ARHGAP5: variants seen among roughly 807,000 people sequenced by gnomAD.
The protein encoded by ARHGAP5 is Rho GTPase activating protein 5.
A neutral mutation model predicts 116.6 loss-of-function variants in ARHGAP5; 23 were observed. That is an observed-to-expected ratio of 0.20 (90% CI 0.14 to 0.28). The LOEUF (loss-of-function observed/expected upper bound fraction) is 0.28. Among genes scored for constraint, ARHGAP5 ranks in the 10% least tolerant of loss-of-function variants. ARHGAP5 has a pLI of 1.00. For synonymous variants in ARHGAP5, 574 were observed against 602.0 expected (o/e 0.95, Z 0.68); for missense variants, 1,405 against 1,774.8 (o/e 0.79, Z 3.74).
At chr14:32,120,656 T>G (rs1489928008) in intron 3 of ARHGAP5, among the ~76,000 whole-genome samples, 1 of 151,928 alleles carries the variant, frequency 6.6e-6, no homozygotes, top group African/African-American at 2.4e-5. Flanking sequence ...TTCTAAATAT[T>G]TGGTGGTTTT....
At position 32,155,004 on chromosome 14, in the gene ARHGAP5, A is replaced by G. The variant is rs569135931; in HGVS notation, c.*56A>G. The G allele has an allele frequency of 5.4e-6, 8 of 1,476,442 alleles. No individual in the cohort carries two copies. Among genetic ancestry groups the G allele is most frequent in the South Asian group, 2.4e-5 (2 of 82,500 alleles). 91.5% of individuals were successfully genotyped at this position (1,476,442 alleles called of 1,614,324 possible). On this transcript the variant is annotated 3_prime_UTR_variant, in exon 7 of 7. Coordinates refer to ENST00000345122, the MANE Select transcript of ARHGAP5 (RefSeq NM_001030055.2). Reference sequence around the variant, plus strand: ...GGACAAAAAGCAAATCTAGACATGCATGTTTCAGGGTTCAGTAGTATACTT... The same window carrying G: ...GGACAAAAAGCAAATCTAGACATGCGTGTTTCAGGGTTCAGTAGTATACTT...
Position 32,092,275 on chromosome 14 carries a change from C to T in ARHGAP5, c.1606C>T (p.Pro536Ser), listed in dbSNP as rs1177924059. The T allele has an allele frequency of 1.9e-6, 3 of 1,613,632 alleles. No individual in the cohort carries two copies. In the Admixed American group the frequency reaches 5.0e-5, roughly 27 times the overall value. ...ATATAAAGCTTTACAGAAACTTGCA[C>T]CTGATAGGGAATCCCTTCTACTTAA... ...PRYKALQKLA[P>S]DRESLLLKHI... The change falls in exon 2 of 7, where the codon CCT becomes TCT. Residue 536 changes from proline to serine, a missense_variant. By Grantham distance (74) the Pro-to-Ser change is moderately conservative. Coordinates refer to ENST00000345122, the MANE Select transcript of ARHGAP5 (RefSeq NM_001030055.2). This position sits in a 1 kb window ranked among gnomAD's most constrained non-coding sequence, Gnocchi z 4.1.
intron 3 of ARHGAP5, among the ~76,000 whole-genome samples, chr14:32,143,651 G>A (rs1315788340): frequency 6.6e-6 from 1 of 152,136 alleles, no homozygotes; most frequent in Non-Finnish European, 1.5e-5. Flanking sequence ...GATACTTTGG[G>A]TGATTTAAGG....
chr14:32,105,299 A>T (rs963936653), intron 2 of ARHGAP5, among the ~76,000 whole-genome samples: 1 of 152,058 alleles, frequency 6.6e-6, no homozygotes, highest in African/African-American at 2.4e-5. Flanking sequence ...GCTACATGCT[A>T]TTGTCATTTA....
rs1441884588 is a variant in ARHGAP5, at chr14:32,158,012, C to T, written c.*3064C>T. On this transcript the variant is annotated 3_prime_UTR_variant, in exon 7 of 7. Transcript: ENST00000345122. ...ATATAATTTTAAAAAGTCAAAAGTG[C>T]TTTTGTTTCTTTGTTTAATGTAATT... The T allele has an allele frequency of 6.6e-6, 1 of 151,456 alleles. No homozygotes were observed. The highest frequency in any genetic ancestry group is 2.4e-5 in the African/African-American group (1 of 41,344). 9.4% of individuals were successfully genotyped at this position (151,456 alleles called of 1,614,324 possible).
chr14:32,157,370 C>T lies in ARHGAP5; in HGVS notation c.*2422C>T, dbSNP rs1051480645. 1 of 152,308 alleles carries T rather than the reference C, an allele frequency of 6.6e-6. No homozygotes were observed. The highest frequency in any genetic ancestry group is 6.6e-5 in the Admixed American group (1 of 15,262). 9.4% of individuals were successfully genotyped at this position (152,308 alleles called of 1,614,324 possible). Reference sequence around the variant, plus strand: ...CTGTTTAGGGACCTATCATATGAGACTTCTTAAAGGATTAAAAGAATAGGA... The same window carrying T: ...CTGTTTAGGGACCTATCATATGAGATTTCTTAAAGGATTAAAAGAATAGGA... On this transcript the variant is annotated 3_prime_UTR_variant, in exon 7 of 7. Coordinates refer to ENST00000345122, the MANE Select transcript of ARHGAP5 (RefSeq NM_001030055.2).
rs2139021545 is a variant in ARHGAP5, at chr14:32,093,443, A to G, written c.2774A>G (p.His925Arg). 2 of 1,613,736 alleles carry G rather than the reference A, an allele frequency of 1.2e-6. No homozygotes were observed. Among genetic ancestry groups the G allele is most frequent in the Non-Finnish European group, 1.7e-6 (2 of 1,179,860 alleles). ...GCACTGTATTCTTTATCTCAGTATCATCGGCAAACTGAGGTCTTTACTCTG... is the reference window on the plus strand; with the variant it reads ...GCACTGTATTCTTTATCTCAGTATCGTCGGCAAACTGAGGTCTTTACTCTG... ...FTALYSLSQY[H>R]RQTEVFTLFF... Residue 925 changes from histidine (H) to arginine (R), a missense_variant, in exon 2 of 7, where the codon CAT becomes CGT. Physicochemically the swap from His to Arg is conservative, Grantham distance 29. This residue lies in a region of ARHGAP5 where 944 missense variants were observed against 1,095.3 expected (regional missense o/e 0.86). Coordinates refer to ENST00000345122, the MANE Select transcript of ARHGAP5 (RefSeq NM_001030055.2).
intron 2 of ARHGAP5, among the ~76,000 whole-genome samples, chr14:32,105,030 A>G (rs1878945122): frequency 6.6e-6 from 1 of 152,162 alleles, no homozygotes. Context: ...TGAATTGCAG[A>G]ATTCACAGGC....
intron 6 of ARHGAP5, 132 bp from the exon 7 acceptor site, chr14:32,154,489 A>T: frequency 1.2e-6 from 1 of 818,558 alleles, no homozygotes; most frequent in Non-Finnish European, 1.9e-6. Context: ...ATGCTTCTTT[A>T]TGCAAATTTT....
In ARHGAP5 at chr14:32,155,217, A is replaced by G. The variant is rs539485854; in HGVS notation, c.*269A>G. On this transcript the variant is annotated 3_prime_UTR_variant, in exon 7 of 7. Transcript: ENST00000345122. ...TGCATGCAACCTTATTGCAATCAGT[A>G]TATCATTCCTGTGGCAATTTCTGTC... 14 of 308,080 alleles carry G rather than the reference A, an allele frequency of 4.5e-5. 1 individual carries two copies. The South Asian group carries it at 1.0e-3, about 22-fold the overall frequency. The allele number at this position is 308,080 out of a possible 1,614,324, so 19.1% of individuals were successfully genotyped here.
intron 2 of ARHGAP5, among the ~76,000 whole-genome samples, chr14:32,114,227 CA>C (rs543034265): frequency 3.5e-3 from 493 of 139,086 alleles, no homozygotes; most frequent in Admixed American, 7.3e-3. Flanking sequence ...GACTCCGTCT[CA>C]AAAAAAAAAA....
At chr14:32,089,699 T>C (rs1040052371) in intron 1 of ARHGAP5, among the ~76,000 whole-genome samples, 3 of 151,852 alleles carry the variant, frequency 2.0e-5, no homozygotes, top group African/African-American at 7.2e-5. Context: ...AGAGGAAGTA[T>C]ATCCAGAAAT....
At position 32,092,265 on chromosome 14, in the gene ARHGAP5, G is replaced by A; in HGVS notation, c.1596G>A (p.Gln532=). The part of the protein sequence containing the change: ...LSEEPRYKAL[Q]KLAPDRESLL... ...AAGAACCTAGATATAAAGCTTTACA[G>A]AAACTTGCACCTGATAGGGAATCCC... Residue 532 remains glutamine (Q), a synonymous_variant, in exon 2 of 7, where the codon CAG becomes CAA. Transcript: ENST00000345122. The surrounding 1 kb of genome is among the most constrained non-coding windows in gnomAD (Gnocchi z 4.1). 6.2e-7 allele frequency: 1 copy of A among 1,613,534 alleles called. No individual in the cohort carries two copies. Among genetic ancestry groups the A allele is most frequent in the African/African-American group, 1.3e-5 (1 of 75,010 alleles).
chr14:32,107,748 T>TA (rs1164388488), intron 2 of ARHGAP5, among the ~76,000 whole-genome samples: 1 of 152,246 alleles, frequency 6.6e-6, no homozygotes, highest in Non-Finnish European at 1.5e-5. Flanking sequence ...AACTGCTTTT[T>TA]ATGTTTAAAA....
intron 3 of ARHGAP5, among the ~76,000 whole-genome samples, chr14:32,139,689 A>G (rs1362107669): frequency 1.3e-5 from 2 of 150,398 alleles, no homozygotes; most frequent in Admixed American, 6.6e-5. Context: ...TTGTTTTTCT[A>G]CTTTCTATTT....
chr14:32,106,702 C>G lies in ARHGAP5; in HGVS notation c.3718-10438C>G, dbSNP rs536430927. Among the ~76,000 whole-genome samples the G allele has an allele frequency of 3.3e-5, 5 of 152,278 alleles. 1 individual carries two copies. The highest frequency in any genetic ancestry group is 1.2e-4 in the African/African-American group (5 of 41,544). On this transcript the variant is annotated intron_variant, in intron 2 of 6. Coordinates refer to ENST00000345122, the MANE Select transcript of ARHGAP5 (RefSeq NM_001030055.2). ...AGTATGGCCTTTGCTGACCTTTTAA[C>G]CTTATTCATTCCCACACGTACTCTT...
chr14:32,103,096 A>G (rs1878862452), intron 2 of ARHGAP5, among the ~76,000 whole-genome samples: 1 of 152,228 alleles, frequency 6.6e-6, no homozygotes, highest in African/African-American at 2.4e-5. Flanking sequence ...AACTGGCTAA[A>G]TTGATCTACC....
intron 2 of ARHGAP5, among the ~76,000 whole-genome samples, chr14:32,111,570 T>C (rs1319263709): frequency 6.6e-6 from 1 of 152,174 alleles, no homozygotes; most frequent in Non-Finnish European, 1.5e-5. Context: ...ACATCTTCTA[T>C]AGATTATTTG....
At chr14:32,105,723 C>T (rs1223474714) in intron 2 of ARHGAP5, among the ~76,000 whole-genome samples, 1 of 152,124 alleles carries the variant, frequency 6.6e-6, no homozygotes, top group African/African-American at 2.4e-5. Flanking sequence ...TAAAACAGTT[C>T]CATCCACTAG....
Sources: gnomAD v4.1 joint callset for allele counts (sites outside exome capture counted in the v4.1 genomes callset) on GRCh38, gnomAD v4.1.1 for gene constraint, gnomAD v4.1.1 regional missense constraint, Gnocchi (gnomAD v3.1) non-coding constraint, MANE v1.5 for transcripts, NCBI Gene and HGNC (gene_info 2026-07-23, HGNC 2026-07-21) for gene names.